The following AKAP6 variants were observed in gnomAD, a reference collection of about 807,000 sequenced individuals.
AKAP6 encodes A-kinase anchoring protein 6.
AKAP6 carries 58 observed loss-of-function variants against 188.5 expected under a neutral mutation model. The ratio of observed to expected loss-of-function variants is 0.31; its 90% CI spans 0.25 to 0.38. The LOEUF is 0.38. Among genes scored for constraint, AKAP6 ranks in the 10% least tolerant of loss-of-function variants. The pLI is 1.00. For missense variants in AKAP6, 2,710 were observed against 2,740.0 expected (o/e 0.99, Z 0.24); for synonymous variants, 989 against 998.6 (o/e 0.99, Z 0.18).
intron 2 of AKAP6, among the ~76,000 whole-genome samples, chr14:32,531,218 A>C (rs1159964247): frequency 2.0e-5 from 3 of 152,198 alleles, no homozygotes; most frequent in Admixed American, 1.3e-4. Context: ...TGTGGAAAAA[A>C]ATCTTATGCA....
At chr14:32,547,332 A>C (rs1454586653) in intron 4 of AKAP6, among the ~76,000 whole-genome samples, 1 of 152,222 alleles carries the variant, frequency 6.6e-6, no homozygotes, top group East Asian at 1.9e-4. Context: ...CTGTGCACAC[A>C]CAAGTAGCTC....
At chr14:32,368,291 C>T (rs902400006) in intron 1 of AKAP6, among the ~76,000 whole-genome samples, 19 of 152,128 alleles carry the variant, frequency 1.2e-4, no homozygotes, top group African/African-American at 3.6e-4. Context: ...CAGCCTATTT[C>T]GTTAATTCAG....
Position 32,568,383 on chromosome 14 carries a change from C to T in AKAP6, c.2347-8737C>T, listed in dbSNP as rs1594750006. Among the ~76,000 whole-genome samples the T allele has an allele frequency of 2.6e-5, 4 of 152,230 alleles. No individual in the cohort carries two copies. In the East Asian group the frequency reaches 7.7e-4, roughly 29 times the overall value. Reference sequence around the variant, plus strand: ...TCATCTGTACAATGGGGAAATTTGACTATTCAATAACTTCACAAGTTATTA... The same window carrying T: ...TCATCTGTACAATGGGGAAATTTGATTATTCAATAACTTCACAAGTTATTA... On this transcript the variant is annotated intron_variant, in intron 4 of 13. Transcript: ENST00000280979. The surrounding 1 kb of genome is among the most constrained non-coding windows in gnomAD (Gnocchi z 6.2).
chr14:32,732,843 A>G, intron 10 of AKAP6: 1 of 605,980 alleles, frequency 1.7e-6, no homozygotes, highest in Non-Finnish European at 2.9e-6. Flanking sequence ...TACATGAAAA[A>G]GTAAGTAAAA....
rs562647503 is a variant in AKAP6 at position 32,516,408 on chromosome 14, G to T, written c.325-19146G>T. On this transcript the variant is annotated intron_variant, in intron 2 of 13. Transcript: ENST00000280979. Reference sequence around the variant, plus strand: ...GAACTGTGGTGAACAGTGAGACTAGGATATAAGTTGTTTGCTCTCAAAGAC... The same window carrying T: ...GAACTGTGGTGAACAGTGAGACTAGTATATAAGTTGTTTGCTCTCAAAGAC... Among the ~76,000 whole-genome samples, 5 of 152,218 alleles carry T rather than the reference G, an allele frequency of 3.3e-5. No homozygotes were observed. In the South Asian group the frequency reaches 1.0e-3, roughly 32 times the overall value.
intron 5 of AKAP6, among the ~76,000 whole-genome samples, chr14:32,590,233 C>T (rs1885432611): frequency 1.3e-5 from 2 of 151,970 alleles, no homozygotes; most frequent in South Asian, 4.2e-4. Flanking sequence ...CCCTGCCCAC[C>T]CTCCCCTCAG....
intron 11 of AKAP6, among the ~76,000 whole-genome samples, chr14:32,761,038 C>T (rs1393097442): frequency 6.6e-6 from 1 of 152,146 alleles, no homozygotes; most frequent in African/African-American, 2.4e-5. Context: ...AAGGAAAGAG[C>T]TAAGAAGCAA....
intron 5 of AKAP6, among the ~76,000 whole-genome samples, chr14:32,582,111 A>G (rs1216818691): frequency 6.6e-6 from 1 of 151,754 alleles, no homozygotes; most frequent in African/African-American, 2.4e-5. Flanking sequence ...ACAATTTGGC[A>G]TGATTTTGCA....
chr14:32,793,245 C>A (rs2033663083), intron 12 of AKAP6, among the ~76,000 whole-genome samples: 1 of 151,980 alleles, frequency 6.6e-6, no homozygotes, highest in Admixed American at 6.6e-5. Context: ...GGATAAAGAG[C>A]CAAGACCCAT....
In AKAP6 at chr14:32,457,389, C is replaced by G. The variant is rs146229089; in HGVS notation, c.324+23572C>G. ...TTCTTCACTGTTTGGCTTCAAATGG[C>G]CCTGGTGTGGAATAGAGGTAACTCA... On this transcript the variant is annotated intron_variant, in intron 2 of 13. Transcript: ENST00000280979. 1.6e-3 allele frequency among the ~76,000 whole-genome samples: 241 copies of G among 152,188 alleles called. 2 individuals are homozygous for G. Among genetic ancestry groups the G allele is most frequent in the African/African-American group, 5.5e-3 (228 of 41,520 alleles).
chr14:32,767,760 C>T (rs1407400579), intron 11 of AKAP6, among the ~76,000 whole-genome samples: 1 of 152,176 alleles, frequency 6.6e-6, no homozygotes, highest in Non-Finnish European at 1.5e-5. Flanking sequence ...GAATCCTAAT[C>T]TGTCTACTCC....
intron 6 of AKAP6, 79 bp downstream of exon 6, chr14:32,599,585 AT>A: frequency 9.4e-6 from 10 of 1,067,580 alleles, no homozygotes; most frequent in Non-Finnish European, 1.3e-5. Flanking sequence ...AAATTACTGC[AT>A]ATATTCACTT....
chr14:32,784,350 A>G (rs991126849), intron 12 of AKAP6, among the ~76,000 whole-genome samples: 1 of 152,186 alleles, frequency 6.6e-6, no homozygotes, highest in Non-Finnish European at 1.5e-5. Flanking sequence ...AGTGATTTGT[A>G]TATACCACAA....
At chr14:32,443,683 A>G (rs1290428675) in intron 2 of AKAP6, among the ~76,000 whole-genome samples, 1 of 152,154 alleles carries the variant, frequency 6.6e-6, no homozygotes, top group African/African-American at 2.4e-5. Flanking sequence ...CTCAGGAGCG[A>G]GGGCTTCCAC....
chr14:32,714,577 A>G (rs1034964858), intron 9 of AKAP6, among the ~76,000 whole-genome samples: 6 of 152,002 alleles, frequency 3.9e-5, no homozygotes, highest in African/African-American at 1.4e-4. Context: ...TTTCAGTGGC[A>G]GATAACTTCC....
At chr14:32,344,716 G>A (rs966848927) in intron 1 of AKAP6, among the ~76,000 whole-genome samples, 9 of 152,124 alleles carry the variant, frequency 5.9e-5, no homozygotes, top group African/African-American at 2.2e-4. Flanking sequence ...AGGAGTTTGA[G>A]ACCAGCCTTG....
chr14:32,411,998 G>C (rs1889505214), intron 1 of AKAP6, among the ~76,000 whole-genome samples: 1 of 152,002 alleles, frequency 6.6e-6, no homozygotes, highest in South Asian at 2.1e-4. Context: ...TAAGTAGAAT[G>C]GATTTGTCAG....
chr14:32,732,744 A>G, intron 10 of AKAP6, 144 bp downstream of exon 10: 2 of 941,136 alleles, frequency 2.1e-6, no homozygotes, highest in South Asian at 1.6e-5. Flanking sequence ...TCATGCTATT[A>G]TGGGAAAGAC....
chr14:32,579,022 G>T (rs891365742), intron 5 of AKAP6, among the ~76,000 whole-genome samples: 3 of 152,124 alleles, frequency 2.0e-5, no homozygotes, highest in African/African-American at 7.2e-5. Flanking sequence ...GCCACTAACT[G>T]CATGTGTCTA....
Sources: gnomAD v4.1 joint callset for allele counts (sites outside exome capture counted in the v4.1 genomes callset) on GRCh38, gnomAD v4.1.1 for gene constraint, Gnocchi (gnomAD v3.1) non-coding constraint, MANE v1.5 for transcripts, NCBI Gene and HGNC (gene_info 2026-07-23, HGNC 2026-07-21) for gene names.